Variants in CTNND2 observed in about 807,000 individuals in gnomAD.
The protein encoded by CTNND2 is catenin delta-2.
Under a neutral mutation model 144.4 loss-of-function variants are expected in CTNND2, and 22 were observed. The observed-to-expected ratio is 0.15, with a 90% CI of 0.11 to 0.22. The LOEUF (loss-of-function observed/expected upper bound fraction) is 0.22. CTNND2 is among the 10% of genes least tolerant of loss of function. The pLI, the probability that CTNND2 is intolerant of heterozygous loss-of-function variation, is 1.00. For synonymous variants in CTNND2, 751 were observed against 695.6 expected (o/e 1.08, Z -1.25); for missense variants, 1,353 against 1,618.8 (o/e 0.84, Z 2.82).
chr5:11,633,865 T>A (rs920074776), intron 2 of CTNND2, among the ~76,000 whole-genome samples: 2 of 152,180 alleles, frequency 1.3e-5, no homozygotes, highest in African/African-American at 4.8e-5. Flanking sequence ...GACATCTTTC[T>A]TCTTCCAATG....
At chr5:11,138,899 A>G (rs1180871284) in intron 12 of CTNND2, among the ~76,000 whole-genome samples, 3 of 152,186 alleles carry the variant, frequency 2.0e-5, no homozygotes, top group Non-Finnish European at 4.4e-5. Context: ...ATGCAGAACT[A>G]AAGCATTGGA....
intron 1 of CTNND2, among the ~76,000 whole-genome samples, chr5:11,838,043 G>C (rs1024922901): frequency 1.3e-5 from 2 of 152,088 alleles, no homozygotes; most frequent in Non-Finnish European, 2.9e-5. Context: ...CTCCAGTCTT[G>C]TGCTCTGCCA....
At chr5:11,242,725 C>G (rs1226101976) in intron 9 of CTNND2, among the ~76,000 whole-genome samples, 1 of 152,194 alleles carries the variant, frequency 6.6e-6, no homozygotes, top group African/African-American at 2.4e-5. Flanking sequence ...TGTTGTAAAT[C>G]TTTCCCTCCT....
intron 2 of CTNND2, among the ~76,000 whole-genome samples, chr5:11,673,543 G>T (rs1382151015): frequency 2.0e-5 from 3 of 152,098 alleles, no homozygotes; most frequent in Non-Finnish European, 2.9e-5. Flanking sequence ...TTGTGACATG[G>T]TTGCTTTACA....
chr5:11,894,116 A>G (rs754109301), intron 1 of CTNND2, among the ~76,000 whole-genome samples: 7 of 152,150 alleles, frequency 4.6e-5, no homozygotes, highest in Non-Finnish European at 1.0e-4. Flanking sequence ...TTAAGGAAAT[A>G]TCTCAAAAAA....
intron 2 of CTNND2, among the ~76,000 whole-genome samples, chr5:11,659,550 T>C (rs896175957): frequency 6.6e-6 from 1 of 152,120 alleles, no homozygotes; most frequent in African/African-American, 2.4e-5. Context: ...AGCTGATCCA[T>C]GGCTCTATAC....
intron 7 of CTNND2, among the ~76,000 whole-genome samples, chr5:11,365,735 A>C (rs1163496080): frequency 6.6e-6 from 1 of 152,234 alleles, no homozygotes; most frequent in Non-Finnish European, 1.5e-5. Context: ...AGTGAGGGTG[A>C]AGAGGCTGGC....
In CTNND2 at chr5:11,071,471, C is replaced by T. The variant is rs556656146; in HGVS notation, c.2788+11225G>A. On this transcript the variant is annotated intron_variant, in intron 16 of 21. Transcript: ENST00000304623. ...ATGAGAATCGTTTGAACCTCGGAGG[C>T]TGAGGTTGTAGTGAGCTGAGATTGT... is the stretch of plus-strand genomic sequence containing the variant. 5.3e-5 allele frequency among the ~76,000 whole-genome samples: 8 copies of T among 152,004 alleles called. No individual in the cohort carries two copies. In the East Asian group the frequency reaches 1.6e-3, roughly 29 times the overall value.
At chr5:11,639,865 G>A (rs1581649664) in intron 2 of CTNND2, among the ~76,000 whole-genome samples, 1 of 152,160 alleles carries the variant, frequency 6.6e-6, no homozygotes, top group Non-Finnish European at 1.5e-5. Context: ...TACCTATGAT[G>A]CATGTTGCTT....
intron 18 of CTNND2, among the ~76,000 whole-genome samples, chr5:11,015,665 T>A (rs1741533335): frequency 6.6e-6 from 1 of 152,214 alleles, no homozygotes; most frequent in Admixed American, 6.5e-5. Context: ...TTCCCTTCAA[T>A]GCACAGAAGT....
intron 3 of CTNND2, among the ~76,000 whole-genome samples, chr5:11,459,895 G>A (rs1391840149): frequency 1.3e-5 from 2 of 152,106 alleles, no homozygotes; most frequent in African/African-American, 2.4e-5. Context: ...CATGTCTCAC[G>A]AACTTGTGGT....
At chr5:11,192,708 C>G (rs1264474978) in intron 11 of CTNND2, among the ~76,000 whole-genome samples, 1 of 152,152 alleles carries the variant, frequency 6.6e-6, no homozygotes, top group Non-Finnish European at 1.5e-5. Flanking sequence ...GGACTGTCCC[C>G]TAGAGCGTCC....
chr5:11,446,416 T>A (rs1764803194), intron 3 of CTNND2, among the ~76,000 whole-genome samples: 1 of 152,128 alleles, frequency 6.6e-6, no homozygotes, highest in South Asian at 2.1e-4. Flanking sequence ...CAGGTGACAT[T>A]CTCTGAGCAA....
chr5:11,706,613 C>CTGA (rs1177869915), intron 2 of CTNND2, among the ~76,000 whole-genome samples: 2 of 152,228 alleles, frequency 1.3e-5, no homozygotes, highest in Non-Finnish European at 2.9e-5. Context: ...CAGGCATCCA[C>CTGA]TGATAGGATT....
chr5:11,312,684 A>ACTCCCCATATACCCTCACCCTCAC (rs1751107597), intron 9 of CTNND2, among the ~76,000 whole-genome samples: 2 of 145,412 alleles, frequency 1.4e-5, no homozygotes, highest in Non-Finnish European at 1.5e-5. Flanking sequence ...ACACTCACAC[A>ACTCCCCATATACCCTCACCCTCAC]CACTCCCCAT....
chr5:11,847,126 TTTTATATATATATA>T lies in CTNND2; in HGVS notation c.37+56677_37+56690del, dbSNP rs1387792653. Among the ~76,000 whole-genome samples the T allele has an allele frequency of 3.2e-3, 341 of 105,474 alleles. 8 individuals carry two copies. The highest frequency in any genetic ancestry group is 8.3e-3 in the African/African-American group (264 of 31,842). 69.2% of individuals were successfully genotyped at this position (105,474 alleles called of 152,430 possible). A position where few individuals can be genotyped will look rare whatever the true frequency, so the allele number is the denominator to read the frequency against. On this transcript the variant is annotated intron_variant, in intron 1 of 21. Transcript: ENST00000304623. ...GGAAATAAAATCAGTATGTCAAAGA[TTTTATATATATATA>T]TATATATATATATATATATATATAT...
chr5:11,164,411 T>C (rs1364738589), intron 11 of CTNND2, among the ~76,000 whole-genome samples: 1 of 152,238 alleles, frequency 6.6e-6, no homozygotes, highest in Non-Finnish European at 1.5e-5. Context: ...TGATCAGGCC[T>C]TTCTCTAAAT....
intron 1 of CTNND2, among the ~76,000 whole-genome samples, chr5:11,825,391 T>C (rs573924935): frequency 6.6e-6 from 1 of 152,148 alleles, no homozygotes; most frequent in East Asian, 1.9e-4. Flanking sequence ...TCAAGATAAC[T>C]CAATACAGAT....
chr5:11,378,759 C>T (rs922608882), intron 7 of CTNND2, among the ~76,000 whole-genome samples: 13 of 152,094 alleles, frequency 8.5e-5, no homozygotes, highest in African/African-American at 1.2e-4. Flanking sequence ...GCAGAGATTG[C>T]GAAGCTTTCA....
Sources: allele counts gnomAD v4.1 joint callset (sites outside exome capture counted in the v4.1 genomes callset), GRCh38; gene constraint gnomAD v4.1.1; transcripts MANE v1.5; gene names NCBI Gene and HGNC (gene_info 2026-07-23, HGNC 2026-07-21).